Variants in DNAI2 observed in about 807,000 individuals in gnomAD.
DNAI2 encodes the protein dynein axonemal intermediate chain 2, also known as dynein, axonemal, intermediate polypeptide 2.
DNAI2 carries 63 observed loss-of-function variants against 74.7 expected under a neutral mutation model. The ratio of observed to expected loss-of-function variants is 0.84; its 90% CI spans 0.69 to 1.04. The LOEUF is 1.04. Ranked by LOEUF, DNAI2 falls within the 50% of genes least tolerant of loss-of-function variation. The pLI is 0.00. For synonymous variants in DNAI2, 289 were observed against 314.9 expected, an observed-to-expected ratio of 0.92 and a Z score of 0.87; for missense variants, 688 against 803.2, an observed-to-expected ratio of 0.86 and a Z score of 1.73.
chr17:74,311,896 A>ACAG, intron 11 of DNAI2, 107 bp from the exon 12 acceptor site: 1 of 1,047,024 alleles, frequency 9.6e-7, no homozygotes, highest in South Asian at 1.4e-5. Context: ...CAGGGACTGT[A>ACAG]TGGAGAGCAA....
intron 12 of DNAI2, among the ~76,000 whole-genome samples, chr17:74,313,090 G>A (rs181252885): frequency 1.7e-4 from 26 of 152,326 alleles, no homozygotes; most frequent in South Asian, 6.2e-4. Flanking sequence ...ACAATAGAGC[G>A]TTAAACCAAG....
In DNAI2 at chr17:74,310,037, C is replaced by T. The variant is rs773370913; in HGVS notation, c.1368C>T (p.Phe456=). ...LSLKVCDEAL[F]CLRVQDNGCL... is the part of the protein sequence containing the mutation. ...AATAGGTGTGTGACGAGGCCCTCTT[C>T]TGCCTCCGGGTGCAGGACAATGGGT... Residue 456 remains phenylalanine, a synonymous_variant, in exon 11 of 14, where the codon TTC becomes TTT. Transcript: ENST00000311014. 3.1e-6 allele frequency: 5 copies of T among 1,613,808 alleles called. No homozygotes were observed. The highest frequency in any genetic ancestry group is 4.2e-6 in the Non-Finnish European group (5 of 1,180,048).
chr17:74,302,820 G>A (rs2052940084), intron 8 of DNAI2, among the ~76,000 whole-genome samples: 1 of 152,206 alleles, frequency 6.6e-6, no homozygotes, highest in Non-Finnish European at 1.5e-5. Flanking sequence ...CTAGGGCTTT[G>A]GGAGGCCCTG....
intron 8 of DNAI2, among the ~76,000 whole-genome samples, chr17:74,304,052 G>C (rs991270096): frequency 1.3e-5 from 2 of 151,926 alleles, no homozygotes; most frequent in Non-Finnish European, 2.9e-5. Flanking sequence ...AGCCCAGAAG[G>C]TCAAGGATGC....
chr17:74,312,254 G>A (rs761844591), intron 12 of DNAI2, 24 bp downstream of exon 12: 2 of 565,864 alleles, frequency 3.5e-6, no homozygotes, highest in Admixed American at 2.3e-5. Flanking sequence ...CAGGGGTTGG[G>A]TGGGTTGGGG....
chr17:74,276,643 C>A (rs2051100892), intron 1 of DNAI2, among the ~76,000 whole-genome samples: 1 of 152,194 alleles, frequency 6.6e-6, no homozygotes, highest in African/African-American at 2.4e-5. Flanking sequence ...TTAAATGTCC[C>A]CTCTGTCTGC....
At chr17:74,308,548 G>A (rs868252830) in intron 9 of DNAI2, among the ~76,000 whole-genome samples, 20 of 151,782 alleles carry the variant, frequency 1.3e-4, no homozygotes, top group African/African-American at 4.6e-4. Flanking sequence ...TTGAGACAGG[G>A]TCTCACTACG....
At chr17:74,302,460 G>A (rs1306296810) in intron 8 of DNAI2, among the ~76,000 whole-genome samples, 1 of 152,168 alleles carries the variant, frequency 6.6e-6, no homozygotes, top group African/African-American at 2.4e-5. Flanking sequence ...CCAGCTACTC[G>A]GGAGGCTGAG....
At chr17:74,304,391 G>A (rs1289312665) in intron 8 of DNAI2, among the ~76,000 whole-genome samples, 2 of 151,478 alleles carry the variant, frequency 1.3e-5, no homozygotes, top group East Asian at 1.9e-4. Context: ...TCACTCAGCT[G>A]TTCTTTCCAT....
At chr17:74,311,732 T>C (rs1045262302) in intron 11 of DNAI2, among the ~76,000 whole-genome samples, 3 of 152,190 alleles carry the variant, frequency 2.0e-5, no homozygotes, top group Non-Finnish European at 2.9e-5. Context: ...AAAGCCGCCA[T>C]ATTTCATAGC....
chr17:74,281,947 C>T lies in DNAI2; in HGVS notation c.130C>T (p.Arg44Trp), dbSNP rs767042349. ...TGAGCTGGCCGAGCAGTTCGTGGAG[C>T]GGAACCCAGTGGACACGGGCATCCA... ...NPELAEQFVE[R>W]NPVDTGIQCS... The change falls in exon 2 of 14, where the codon CGG (arginine) becomes TGG (tryptophan). Residue 44 changes from arginine to tryptophan, a missense_variant. Coordinates refer to ENST00000311014, the MANE Select transcript of DNAI2 (RefSeq NM_023036.6). 6 of 1,614,044 alleles carry T rather than the reference C, an allele frequency of 3.7e-6. No individual in the cohort carries two copies. The African/African-American group carries it at 4.0e-5, about 11-fold the overall frequency.
chr17:74,280,791 T>G (rs1167765362), intron 1 of DNAI2, among the ~76,000 whole-genome samples: 1 of 151,996 alleles, frequency 6.6e-6, no homozygotes, highest in African/African-American at 2.4e-5. Context: ...ACTGATTCAG[T>G]AAAAACCGTA....
intron 9 of DNAI2, among the ~76,000 whole-genome samples, chr17:74,306,412 C>T (rs975501662): frequency 4.5e-4 from 69 of 152,158 alleles, no homozygotes; most frequent in African/African-American, 1.4e-3. Flanking sequence ...CATTCACCAC[C>T]GAGCACTGCC....
In DNAI2 at chr17:74,314,678, C is replaced by A; in HGVS notation, c.*145C>A. The A allele has an allele frequency of 4.5e-6, 1 of 223,672 alleles. No homozygotes were observed. Among genetic ancestry groups the A allele is most frequent in the Non-Finnish European group, 9.2e-6 (1 of 109,200 alleles). 13.9% of individuals were successfully genotyped at this position (223,672 alleles called of 1,614,324 possible). A position where few individuals can be genotyped will look rare whatever the true frequency, so the allele number is the denominator to read the frequency against. ...TTTCTCCTCCATGATCGACCCTCCT[C>A]GTCCACCTACAAATCAGGAACAGAA... On this transcript the variant is annotated 3_prime_UTR_variant, in exon 14 of 14. Transcript: ENST00000311014.
At chr17:74,281,656 C>A in intron 1 of DNAI2, 151 bp from the exon 2 acceptor site, 1 of 690,784 alleles carries the variant, frequency 1.4e-6, no homozygotes, top group Admixed American at 2.6e-5. Context: ...AATGCGGATG[C>A]AGCTTCTGGA....
At chr17:74,302,259 T>C (rs1323550769) in intron 8 of DNAI2, among the ~76,000 whole-genome samples, 7 of 149,744 alleles carry the variant, frequency 4.7e-5, no homozygotes, top group Non-Finnish European at 1.0e-4. Context: ...AGCAAGACAC[T>C]GTCCCTACAT....
chr17:74,306,866 C>T (rs2144087629), intron 9 of DNAI2, among the ~76,000 whole-genome samples: 1 of 152,380 alleles, frequency 6.6e-6, no homozygotes, highest in East Asian at 1.9e-4. Flanking sequence ...GATTCGCCTG[C>T]CTCAGCCTCC....
intron 1 of DNAI2, 66 bp from the exon 2 acceptor site, chr17:74,281,741 G>C: frequency 6.5e-7 from 1 of 1,531,966 alleles, no homozygotes; most frequent in Admixed American, 1.7e-5. Context: ...TGTCCTGGCA[G>C]GACCTGTGGA....
rs181445123 is a variant in DNAI2, at chr17:74,276,898, C to A, written c.-12+2553C>A. On this transcript the variant is annotated intron_variant, in intron 1 of 13. Coordinates refer to ENST00000311014, the MANE Select transcript of DNAI2 (RefSeq NM_023036.6). ...GAGTCCTGCAGCCCCATGTGGGAGGCACAGTTGCTTCACACTGTGTTGGCA... is the reference window on the plus strand; with the variant it reads ...GAGTCCTGCAGCCCCATGTGGGAGGAACAGTTGCTTCACACTGTGTTGGCA... 2.2e-4 allele frequency among the ~76,000 whole-genome samples: 34 copies of A among 152,282 alleles called. 1 individual carries two copies. The highest frequency in any genetic ancestry group is 2.2e-3 in the Admixed American group (34 of 15,294).
Sources: gnomAD v4.1 joint callset for allele counts (sites outside exome capture counted in the v4.1 genomes callset) on GRCh38, gnomAD v4.1.1 for gene constraint, MANE v1.5 for transcripts, NCBI Gene and HGNC (gene_info 2026-07-23, HGNC 2026-07-21) for gene names.